The following UMAD1 variants were observed in gnomAD, a reference collection of about 807,000 sequenced individuals.
The protein encoded by UMAD1 is UBAP1-MVB12-associated (UMA) domain containing 1, also known as UBAP1-MVB12-associated (UMA)-domain containing protein 1.
UMAD1 carries 8 observed loss-of-function variants against 6.1 expected under a neutral mutation model. The ratio of observed to expected loss-of-function variants is 1.30; its 90% CI spans 0.76 to 2.35. The LOEUF (loss-of-function observed/expected upper bound fraction) is 2.35, where lower values mean the gene tolerates loss of function less well. Ranked by LOEUF, UMAD1 falls within the 30% of genes most tolerant of loss-of-function variation. The pLI, the probability that UMAD1 is intolerant of heterozygous loss-of-function variation, is 0.00. For missense variants in UMAD1, 130 were observed against 78.4 expected, an observed-to-expected ratio of 1.66 and a Z score of -2.49; for synonymous variants, 56 against 31.4, an observed-to-expected ratio of 1.78 and a Z score of -2.61.
chr7:7,800,797 A>T lies in UMAD1; in HGVS notation c.83-873A>T, dbSNP rs117324246. 1.6e-4 allele frequency among the ~76,000 whole-genome samples: 25 copies of T among 152,304 alleles called. No individual in the cohort carries two copies. The East Asian group carries it at 4.8e-3, about 29-fold the overall frequency. ...AGACTCATGACTTTTCCTTACATTA[A>T]CAAATTTCTAACCATTAGTGTCAGC... On this transcript the variant is annotated intron_variant, in intron 2 of 3. Coordinates refer to ENST00000682710, the MANE Select transcript of UMAD1 (RefSeq NM_001302348.2).
At chr7:7,791,644 C>T (rs962390111) in intron 2 of UMAD1, among the ~76,000 whole-genome samples, 2 of 152,128 alleles carry the variant, frequency 1.3e-5, no homozygotes, top group African/African-American at 4.8e-5. Context: ...CCCATAGCTA[C>T]AAAGTAACAA....
chr7:7,703,803 G>A (rs1439925398), intron 2 of UMAD1, among the ~76,000 whole-genome samples: 2 of 152,220 alleles, frequency 1.3e-5, no homozygotes, highest in South Asian at 2.1e-4. Context: ...GCCAGGTAAT[G>A]TGGTGGCGTG....
At chr7:7,726,254 C>T (rs974239510) in intron 2 of UMAD1, among the ~76,000 whole-genome samples, 1 of 152,214 alleles carries the variant, frequency 6.6e-6, no homozygotes, top group South Asian at 2.1e-4. Context: ...AGACTATCAT[C>T]CATGGACTCA....
intron 2 of UMAD1, among the ~76,000 whole-genome samples, chr7:7,711,401 A>G (rs1458253510): frequency 6.6e-6 from 1 of 152,168 alleles, no homozygotes; most frequent in Non-Finnish European, 1.5e-5. Context: ...TTAGTAAATC[A>G]TGGCAAATTT....
At chr7:7,641,897 A>T (rs1256222031) in intron 1 of UMAD1, among the ~76,000 whole-genome samples, 5 of 152,208 alleles carry the variant, frequency 3.3e-5, no homozygotes, top group African/African-American at 7.2e-5. Flanking sequence ...AGTCTCCCTT[A>T]GTGTTTCCTT....
chr7:7,862,541 A>G (rs917998475), intron 3 of UMAD1, among the ~76,000 whole-genome samples: 1 of 152,346 alleles, frequency 6.6e-6, no homozygotes, highest in Non-Finnish European at 1.5e-5. Context: ...AGGGATATCA[A>G]GTTCTTCAGA....
chr7:7,766,398 C>G (rs1781985868), intron 2 of UMAD1, among the ~76,000 whole-genome samples: 1 of 152,138 alleles, frequency 6.6e-6, no homozygotes, highest in African/African-American at 2.4e-5. Context: ...GTTTCAAACT[C>G]CGTAGTGAAT....
chr7:7,714,896 C>T (rs1226967812), intron 2 of UMAD1, among the ~76,000 whole-genome samples: 5 of 145,682 alleles, frequency 3.4e-5, no homozygotes, highest in African/African-American at 1.3e-4. Flanking sequence ...ACTTGCAGAC[C>T]TGTTGTACCA....
chr7:7,672,272 T>C (rs1286157553), intron 1 of UMAD1, among the ~76,000 whole-genome samples: 3 of 152,180 alleles, frequency 2.0e-5, no homozygotes, highest in Non-Finnish European at 4.4e-5. Flanking sequence ...ACCCTTCAAC[T>C]TTCTCCCCAG....
chr7:7,846,213 G>A (rs972199236), intron 3 of UMAD1, among the ~76,000 whole-genome samples: 5 of 152,102 alleles, frequency 3.3e-5, no homozygotes, highest in African/African-American at 1.2e-4. Context: ...AATGACACGT[G>A]TAAAGAATAT....
At chr7:7,755,628 A>G (rs951646431) in intron 2 of UMAD1, among the ~76,000 whole-genome samples, 2 of 152,220 alleles carry the variant, frequency 1.3e-5, no homozygotes, top group African/African-American at 4.8e-5. Flanking sequence ...TGTATTGGCA[A>G]AGACACTCCA....
intron 1 of UMAD1, among the ~76,000 whole-genome samples, chr7:7,653,073 A>T (rs144962252): frequency 7.1e-4 from 108 of 152,300 alleles, no homozygotes; most frequent in African/African-American, 2.5e-3. Flanking sequence ...CATTATTTAG[A>T]TGTGTTTTAT....
chr7:7,755,399 A>G (rs1355398001), intron 2 of UMAD1, among the ~76,000 whole-genome samples: 1 of 152,218 alleles, frequency 6.6e-6, no homozygotes, highest in Non-Finnish European at 1.5e-5. Context: ...TACAAGAGGA[A>G]ATGGTGTTAT....
At chr7:7,680,888 T>A (rs892878014) in intron 2 of UMAD1, among the ~76,000 whole-genome samples, 3 of 152,164 alleles carry the variant, frequency 2.0e-5, no homozygotes, top group Non-Finnish European at 4.4e-5. Context: ...TGTATGTTGA[T>A]TTTGTATGCC....
chr7:7,730,987 C>G (rs1781238009), intron 2 of UMAD1, among the ~76,000 whole-genome samples: 2 of 152,036 alleles, frequency 1.3e-5, no homozygotes, highest in South Asian at 4.1e-4. Context: ...GTAAAATGAT[C>G]AAGTATGTTT....
intron 2 of UMAD1, among the ~76,000 whole-genome samples, chr7:7,781,414 G>C (rs541868849): frequency 6.6e-6 from 1 of 151,568 alleles, no homozygotes; most frequent in East Asian, 1.9e-4. Context: ...CTGCATTCTG[G>C]AAAAATCACT....
chr7:7,735,570 C>T (rs995568704), intron 2 of UMAD1, among the ~76,000 whole-genome samples: 13 of 152,124 alleles, frequency 8.5e-5, no homozygotes, highest in African/African-American at 3.1e-4. Context: ...CCACCATACC[C>T]AGCTAATGTT....
At chr7:7,640,936 G>A (rs537680122) in intron 1 of UMAD1, 115 bp downstream of exon 1, 109 of 162,988 alleles carry the variant, frequency 6.7e-4, no homozygotes, top group Middle Eastern at 3.1e-3. Context: ...TGCTGTGGGT[G>A]CTGCGTACCA....
At chr7:7,839,938 G>A (rs1224444378) in intron 3 of UMAD1, among the ~76,000 whole-genome samples, 1 of 152,220 alleles carries the variant, frequency 6.6e-6, no homozygotes, top group Non-Finnish European at 1.5e-5. Flanking sequence ...GCAGTTGGCA[G>A]AAAATTGGGC....
Sources: gnomAD v4.1 joint callset for allele counts (sites outside exome capture counted in the v4.1 genomes callset) on GRCh38, gnomAD v4.1.1 for gene constraint, MANE v1.5 for transcripts, NCBI Gene and HGNC (gene_info 2026-07-23, HGNC 2026-07-21) for gene names.